The following MYT1L variants were observed in gnomAD, a reference collection of about 807,000 sequenced individuals.
MYT1L encodes myelin transcription factor 1 like.
MYT1L carries 12 observed loss-of-function variants against 126.7 expected under a neutral mutation model. The observed-to-expected ratio is 0.09, with a 90% CI of 0.06 to 0.15. The LOEUF is 0.15. Among genes scored for constraint, MYT1L ranks in the 10% least tolerant of loss-of-function variants. The probability of loss-of-function intolerance (pLI) is 1.00; values close to 1 mark genes in which losing one functional copy is unlikely to be tolerated. For synonymous variants in MYT1L, 541 were observed against 604.2 expected (o/e 0.90, Z 1.53); for missense variants, 979 against 1,585.2 (o/e 0.62, Z 6.49).
intron 9 of MYT1L, 35 bp downstream of exon 9, chr2:1,942,947 A>C: frequency 6.7e-7 from 1 of 1,493,930 alleles, no homozygotes. Context: ...GACCCAAATC[A>C]CGACTTGTTA....
At chr2:1,965,123 G>A (rs1375711343) in intron 8 of MYT1L, among the ~76,000 whole-genome samples, 1 of 152,290 alleles carries the variant, frequency 6.6e-6, no homozygotes, top group Non-Finnish European at 1.5e-5. Flanking sequence ...ATCAGGCAGG[G>A]AAGAGGGGGA....
At chr2:1,813,855 G>A (rs1422311453) in intron 21 of MYT1L, among the ~76,000 whole-genome samples, 3 of 97,992 alleles carry the variant, frequency 3.1e-5, no homozygotes, top group Non-Finnish European at 4.3e-5. Flanking sequence ...GTGAAACCCC[G>A]TCTGTACTAG....
At chr2:2,141,708 G>T (rs1165007733) in intron 3 of MYT1L, among the ~76,000 whole-genome samples, 1 of 152,172 alleles carries the variant, frequency 6.6e-6, no homozygotes, top group Non-Finnish European at 1.5e-5. Flanking sequence ...GATGTGTTTG[G>T]ATTTTACAAG....
At chr2:2,046,487 C>A (rs997960250) in intron 4 of MYT1L, among the ~76,000 whole-genome samples, 4 of 152,188 alleles carry the variant, frequency 2.6e-5, no homozygotes, top group African/African-American at 9.7e-5. Flanking sequence ...AAATAGCCAA[C>A]ATTTCTAATA....
chr2:2,061,688 T>G (rs2070521612), intron 3 of MYT1L, among the ~76,000 whole-genome samples: 1 of 152,146 alleles, frequency 6.6e-6, no homozygotes. Flanking sequence ...ATATCTGGAT[T>G]CTGGGAAATT....
rs560416962 is a variant in MYT1L at position 2,271,666 on chromosome 2, C to T, written c.-421+12738G>A. Among the ~76,000 whole-genome samples, 10 of 152,268 alleles carry T rather than the reference C, an allele frequency of 6.6e-5. No homozygotes were observed. In the South Asian group the frequency reaches 1.7e-3, roughly 25 times the overall value. On this transcript the variant is annotated intron_variant, in intron 2 of 24. Transcript: ENST00000647738. ...GTTCTAGAAGGAGGAAGTGCAACAT[C>T]GAGGAGCCAGAAAGTTTGGTTTCTA... is the stretch of plus-strand genomic sequence containing the variant.
chr2:2,238,343 A>T (rs1001783745), intron 2 of MYT1L, among the ~76,000 whole-genome samples: 22 of 152,142 alleles, frequency 1.4e-4, no homozygotes, highest in Admixed American at 1.2e-3. Flanking sequence ...CTAGATCAAT[A>T]ATGTTCCCAC....
At chr2:1,881,400 G>C (rs1017286631) in intron 18 of MYT1L, among the ~76,000 whole-genome samples, 1 of 131,448 alleles carries the variant, frequency 7.6e-6, no homozygotes, top group African/African-American at 3.0e-5. Flanking sequence ...GTGTGTGTGT[G>C]TCTGAAGTCA....
chr2:1,884,933 G>C (rs542406731), intron 18 of MYT1L, among the ~76,000 whole-genome samples: 5 of 152,226 alleles, frequency 3.3e-5, no homozygotes, highest in Non-Finnish European at 5.9e-5. Context: ...GCCGATGCTG[G>C]AGAAACAGCA....
At chr2:1,821,349 T>C (rs1340009605) in intron 21 of MYT1L, among the ~76,000 whole-genome samples, 1 of 152,180 alleles carries the variant, frequency 6.6e-6, no homozygotes, top group African/African-American at 2.4e-5. Context: ...TTTTCTCATC[T>C]CTTTATAATT....
intron 1 of MYT1L, among the ~76,000 whole-genome samples, chr2:2,313,644 T>A (rs1334301505): frequency 1.3e-5 from 2 of 152,154 alleles, no homozygotes; most frequent in African/African-American, 4.8e-5. Context: ...TATAGTAAAG[T>A]GCCAAGGGTG....
At chr2:2,145,716 T>C (rs2084777989) in intron 3 of MYT1L, among the ~76,000 whole-genome samples, 1 of 152,040 alleles carries the variant, frequency 6.6e-6, no homozygotes, top group Non-Finnish European at 1.5e-5. Flanking sequence ...CCTGTAATGG[T>C]GGCTTACAGC....
At chr2:2,027,732 C>A (rs80042229) in intron 4 of MYT1L, among the ~76,000 whole-genome samples, 4 of 152,142 alleles carry the variant, frequency 2.6e-5, no homozygotes, top group African/African-American at 9.7e-5. Context: ...CATTACTGGG[C>A]GATACTGGGC....
rs73910759 is a variant in MYT1L, at chr2:1,924,212, C to A, written c.506-949G>T. ...GACCATGTTAAAAATTACATAAAAC[C>A]CCTATGTTTTATCTCAAACATATTC... On this transcript the variant is annotated intron_variant, in intron 9 of 24. Coordinates refer to ENST00000647738, the MANE Select transcript of MYT1L (RefSeq NM_001303052.2). 4.8e-3 allele frequency among the ~76,000 whole-genome samples: 731 copies of A among 152,208 alleles called. 6 individuals are homozygous for A. The highest frequency in any genetic ancestry group is 0.016 in the African/African-American group (684 of 41,516).
chr2:2,317,189 G>C (rs899936881), intron 1 of MYT1L, among the ~76,000 whole-genome samples: 2 of 151,964 alleles, frequency 1.3e-5, no homozygotes, highest in South Asian at 2.1e-4. Context: ...CCTGACCTTG[G>C]TAGTCCCAGA....
intron 2 of MYT1L, among the ~76,000 whole-genome samples, chr2:2,239,807 A>G (rs1392304573): frequency 6.6e-6 from 1 of 152,210 alleles, no homozygotes; most frequent in Non-Finnish European, 1.5e-5. Context: ...TTGATATTTC[A>G]TGAATGGAAC....
chr2:1,831,255 C>T (rs1009022314), intron 21 of MYT1L, among the ~76,000 whole-genome samples: 1 of 152,170 alleles, frequency 6.6e-6, no homozygotes, highest in Non-Finnish European at 1.5e-5. Context: ...CCCCAGCTCC[C>T]CAGTGCAGTT....
intron 3 of MYT1L, among the ~76,000 whole-genome samples, chr2:2,107,265 T>G (rs896958094): frequency 6.0e-4 from 92 of 152,204 alleles, no homozygotes; most frequent in African/African-American, 2.2e-3. Flanking sequence ...CCTTCCTCTG[T>G]GCTCGGGCAG....
intron 1 of MYT1L, among the ~76,000 whole-genome samples, chr2:2,328,638 T>C (rs2096266266): frequency 6.6e-6 from 1 of 152,248 alleles, no homozygotes; most frequent in African/African-American, 2.4e-5. Context: ...ACTTTCTACC[T>C]TACTGTGACA....
Sources: gnomAD v4.1 joint callset for allele counts (sites outside exome capture counted in the v4.1 genomes callset) on GRCh38, gnomAD v4.1.1 for gene constraint, MANE v1.5 for transcripts, NCBI Gene and HGNC (gene_info 2026-07-23, HGNC 2026-07-21) for gene names.